GRIN2A: variants seen among roughly 807,000 people sequenced by gnomAD.
The protein encoded by GRIN2A is glutamate receptor ionotropic, NMDA 2A.
A neutral mutation model predicts 113.4 loss-of-function variants in GRIN2A; 22 were observed. That is an observed-to-expected ratio of 0.19 (90% CI 0.14 to 0.28). GRIN2A has a LOEUF of 0.28. GRIN2A is among the 10% of genes least tolerant of loss of function. GRIN2A has a pLI of 1.00. For missense variants in GRIN2A, 1,502 were observed against 1,887.0 expected (o/e 0.80, Z 3.78); for synonymous variants, 827 against 738.4 (o/e 1.12, Z -1.94).
intron 2 of GRIN2A, among the ~76,000 whole-genome samples, chr16:9,955,921 C>T (rs533106438): frequency 9.2e-5 from 14 of 152,312 alleles, no homozygotes; most frequent in African/African-American, 3.4e-4. Context: ...CAGAAATCCC[C>T]AGGGGCTTGG....
chr16:10,043,384 A>T (rs1411055772), intron 2 of GRIN2A, among the ~76,000 whole-genome samples: 4 of 152,206 alleles, frequency 2.6e-5, no homozygotes, highest in African/African-American at 9.7e-5. Context: ...GGATTTGCTC[A>T]GAAAGGCAGC....
At position 9,771,690 on chromosome 16, in the gene GRIN2A, C is replaced by T. The variant is rs569859831; in HGVS notation, c.2357-2601G>A. Among the ~76,000 whole-genome samples, 14 of 151,974 alleles carry T rather than the reference C, an allele frequency of 9.2e-5. 1 individual carries two copies. The highest frequency in any genetic ancestry group is 3.1e-4 in the African/African-American group (13 of 41,374). On this transcript the variant is annotated intron_variant, in intron 11 of 12. Transcript: ENST00000330684. ...AATCTTCTGCAGAATTATTTTCCCT[C>T]TAAGCCCCATGGGACTCCCAAGAAC...
chr16:10,068,798 G>A (rs184905493), intron 2 of GRIN2A, among the ~76,000 whole-genome samples: 1 of 152,248 alleles, frequency 6.6e-6, no homozygotes, highest in Non-Finnish European at 1.5e-5. Flanking sequence ...AGGGTGATCA[G>A]GGAATCTGTC....
At chr16:9,890,427 T>A (rs183564953) in intron 4 of GRIN2A, among the ~76,000 whole-genome samples, 5 of 152,358 alleles carry the variant, frequency 3.3e-5, no homozygotes, top group African/African-American at 1.2e-4. Flanking sequence ...GATTTTTTTC[T>A]TTGCAAACGA....
Position 9,768,873 on chromosome 16 carries a change from C to G in GRIN2A, c.2573G>C (p.Gly858Ala), listed in dbSNP as rs796052565. The G allele has an allele frequency of 6.2e-7, 1 of 1,614,036 alleles. No individual in the cohort carries two copies. The highest frequency in any genetic ancestry group is 8.5e-7 in the Non-Finnish European group (1 of 1,179,904). ...GACCCTGCTGATGGAGAAGAGCAAC[C>G]CAGGCCGGTCGGAGCACACGCCCGT... is the stretch of plus-strand genomic sequence containing the variant. The part of the protein sequence containing the change: ...CFTGVCSDRP[G>A]LLFSISRGIY... The change falls in exon 12 of 13, where the codon GGG becomes GCG. Residue 858 changes from glycine to alanine, a missense_variant. Physicochemically the swap from Gly to Ala is moderately conservative, Grantham distance 60. Transcript: ENST00000330684.
At chr16:9,979,912 T>G (rs1249280677) in intron 2 of GRIN2A, among the ~76,000 whole-genome samples, 3 of 150,230 alleles carry the variant, frequency 2.0e-5, no homozygotes, top group Non-Finnish European at 4.4e-5. Context: ...GATATTTATA[T>G]TATATTGAAA....
At chr16:10,094,957 C>G (rs1334527156) in intron 2 of GRIN2A, among the ~76,000 whole-genome samples, 2 of 150,472 alleles carry the variant, frequency 1.3e-5, no homozygotes, top group Admixed American at 6.6e-5. Flanking sequence ...TATATTGAAG[C>G]CTTAACCTGC....
intron 2 of GRIN2A, among the ~76,000 whole-genome samples, chr16:10,065,087 A>G (rs2047622659): frequency 1.3e-5 from 2 of 152,238 alleles, no homozygotes; most frequent in Non-Finnish European, 2.9e-5. Flanking sequence ...GACTCTCCAC[A>G]CAGCATTCAA....
chr16:10,013,935 C>T (rs746635823), intron 2 of GRIN2A, among the ~76,000 whole-genome samples: 16 of 152,182 alleles, frequency 1.1e-4, no homozygotes, highest in Non-Finnish European at 2.1e-4. Flanking sequence ...TCAACGAAGC[C>T]GTCTCAGACC....
chr16:9,778,565 C>T (rs9933055), intron 11 of GRIN2A, among the ~76,000 whole-genome samples: 2,144 of 152,300 alleles, frequency 0.014, 55 homozygotes, highest in African/African-American at 0.048. Context: ...CTTCAGATCC[C>T]GTGCTGTTTT....
At chr16:9,778,755 G>A (rs1295374896) in intron 11 of GRIN2A, among the ~76,000 whole-genome samples, 1 of 152,164 alleles carries the variant, frequency 6.6e-6, no homozygotes, top group Admixed American at 6.5e-5. Context: ...TCTCCCAGGA[G>A]GAACTTATTT....
At chr16:9,903,201 C>T (rs921980548) in intron 3 of GRIN2A, among the ~76,000 whole-genome samples, 12 of 152,076 alleles carry the variant, frequency 7.9e-5, no homozygotes, top group Non-Finnish European at 1.5e-4. Flanking sequence ...AATCTCCTGA[C>T]CTCATGATCC....
intron 2 of GRIN2A, among the ~76,000 whole-genome samples, chr16:10,170,413 G>C (rs567770766): frequency 1.5e-3 from 229 of 152,300 alleles, no homozygotes; most frequent in African/African-American, 4.2e-3. Flanking sequence ...GTATAGCATG[G>C]TGACTGGTGA....
At chr16:10,103,657 T>C (rs1306417387) in intron 2 of GRIN2A, among the ~76,000 whole-genome samples, 1 of 152,114 alleles carries the variant, frequency 6.6e-6, no homozygotes, top group African/African-American at 2.4e-5. Context: ...AGAGAGTCCA[T>C]ATGTATGCCG....
chr16:9,941,385 G>A (rs1165598060), intron 2 of GRIN2A, among the ~76,000 whole-genome samples: 1 of 152,226 alleles, frequency 6.6e-6, no homozygotes, highest in Non-Finnish European at 1.5e-5. Context: ...AGAGAGGAAG[G>A]CATGGCTGCA....
chr16:9,954,809 C>T lies in GRIN2A; in HGVS notation c.415-16258G>A, dbSNP rs987208154. Among the ~76,000 whole-genome samples, 10 of 152,170 alleles carry T rather than the reference C, an allele frequency of 6.6e-5. No individual in the cohort carries two copies. The East Asian group carries it at 9.6e-4, about 15-fold the overall frequency. On this transcript the variant is annotated intron_variant, in intron 2 of 12. Transcript: ENST00000330684. ...CTCTCCAGACTTAAATGAAATGCATCGACAAAGCAAGTCATGCAGTGGGAT... is the reference window on the plus strand; with the variant it reads ...CTCTCCAGACTTAAATGAAATGCATTGACAAAGCAAGTCATGCAGTGGGAT...
intron 2 of GRIN2A, among the ~76,000 whole-genome samples, chr16:10,143,754 C>T (rs1596549447): frequency 6.6e-6 from 1 of 152,158 alleles, no homozygotes; most frequent in African/African-American, 2.4e-5. Context: ...CTCTTGAGCC[C>T]AGGAGTTTGA....
chr16:10,155,202 G>C (rs529997356), intron 2 of GRIN2A, among the ~76,000 whole-genome samples: 1 of 152,198 alleles, frequency 6.6e-6, no homozygotes, highest in East Asian at 1.9e-4. Context: ...AGCTCAAAAG[G>C]TCAGCAGGGG....
chr16:10,134,861 T>C (rs2049158836), intron 2 of GRIN2A, among the ~76,000 whole-genome samples: 1 of 152,178 alleles, frequency 6.6e-6, no homozygotes, highest in African/African-American at 2.4e-5. Flanking sequence ...AAGGGGTACA[T>C]GAGTCTCATA....
Sources: allele counts gnomAD v4.1 joint callset (sites outside exome capture counted in the v4.1 genomes callset), GRCh38; gene constraint gnomAD v4.1.1; transcripts MANE v1.5; gene names NCBI Gene and HGNC (gene_info 2026-07-23, HGNC 2026-07-21).